The following CHD6 variants were observed in gnomAD, a reference collection of about 807,000 sequenced individuals.
The protein encoded by CHD6 is ATP-dependent chromatin remodeler CHD6.
Under a neutral mutation model 276.9 loss-of-function variants are expected in CHD6, and 50 were observed. The observed-to-expected ratio is 0.18, with a 90% confidence interval of 0.14 to 0.23. CHD6 has a LOEUF of 0.23. CHD6 is among the 10% of genes least tolerant of loss of function. The pLI is 1.00. For synonymous variants in CHD6, 1,173 were observed against 1,229.3 expected (o/e 0.95, Z 0.96); for missense variants, 2,564 against 3,365.8 (o/e 0.76, Z 5.89).
chr20:41,475,727 T>C (rs1418371641), intron 16 of CHD6, among the ~76,000 whole-genome samples: 1 of 152,048 alleles, frequency 6.6e-6, no homozygotes. Flanking sequence ...AAAGACTCCA[T>C]GCTCTTTGAA....
At chr20:41,415,660 G>A (rs1293014880) in intron 33 of CHD6, 22 bp from the exon 34 acceptor site, 1 of 1,531,560 alleles carries the variant, frequency 6.5e-7, no homozygotes, top group South Asian at 1.3e-5. Flanking sequence ...CAAACAGCAA[G>A]AGAGGTCTGA....
intron 1 of CHD6, among the ~76,000 whole-genome samples, chr20:41,555,335 G>T (rs1264607652): frequency 8.0e-6 from 1 of 124,516 alleles, no homozygotes; most frequent in African/African-American, 3.0e-5. Flanking sequence ...CTCACCTCCC[G>T]GACGGGGCGG....
At chr20:41,435,826 G>T (rs990105174) in intron 27 of CHD6, among the ~76,000 whole-genome samples, 1 of 152,152 alleles carries the variant, frequency 6.6e-6, no homozygotes, top group African/African-American at 2.4e-5. Context: ...GAAGAAAAAA[G>T]TGGGAGGTAT....
chr20:41,537,476 T>C (rs2044857517), intron 2 of CHD6, among the ~76,000 whole-genome samples: 1 of 152,204 alleles, frequency 6.6e-6, no homozygotes, highest in Non-Finnish European at 1.5e-5. Context: ...AATAAGGGAC[T>C]TGAGCATCCT....
chr20:41,405,579 G>T, intron 36 of CHD6, 90 bp from the exon 37 acceptor site: 2 of 1,010,270 alleles, frequency 2.0e-6, no homozygotes, highest in Non-Finnish European at 1.5e-6. Context: ...CACTGGCCTG[G>T]CCTGTCTCCA....
Position 41,404,356 on chromosome 20 carries a change from C to A in CHD6, c.*237G>T. ...TATTAACTATGATTGCTGGAATGAA[C>A]TGGATAACAGAATGAGAATTCTGTG... On this transcript the variant is annotated 3_prime_UTR_variant, in exon 37 of 37. Transcript: ENST00000373233. The A allele has an allele frequency of 1.6e-6, 2 of 1,228,402 alleles. No homozygotes were observed. The highest frequency in any genetic ancestry group is 6.3e-5 in the East Asian group (2 of 31,512). The allele number at this position is 1,228,402 out of a possible 1,614,324, so 76.1% of individuals were successfully genotyped here.
chr20:41,582,106 A>C (rs1260402418), intron 1 of CHD6, among the ~76,000 whole-genome samples: 1 of 152,226 alleles, frequency 6.6e-6, no homozygotes, highest in Non-Finnish European at 1.5e-5. Context: ...AGGACTAAAA[A>C]TCATTAAATA....
At chr20:41,601,425 G>A (rs1322557696) in intron 1 of CHD6, among the ~76,000 whole-genome samples, 1 of 152,152 alleles carries the variant, frequency 6.6e-6, no homozygotes, top group African/African-American at 2.4e-5. Flanking sequence ...TACTTATGAA[G>A]AGGGAGTGAA....
intron 2 of CHD6, among the ~76,000 whole-genome samples, chr20:41,540,845 T>C (rs2044927742): frequency 6.6e-6 from 1 of 152,164 alleles, no homozygotes; most frequent in Non-Finnish European, 1.5e-5. Context: ...AAAGTTCAAA[T>C]AATAAAAATG....
Position 41,487,349 on chromosome 20 carries a change from A to ACCAG in CHD6, c.2001+312_2001+315dup, listed in dbSNP as rs2043440441. ...CAAAAGAAAGCACCATGCTCCTGAGACCAGAGCTGTAAGCAAAATCAGCGA... is the reference window on the plus strand; with the variant it reads ...CAAAAGAAAGCACCATGCTCCTGAGACCAGCCAGAGCTGTAAGCAAAATCAGCGA... On this transcript the variant is annotated intron_variant, in intron 14 of 36. Transcript: ENST00000373233. Among the ~76,000 whole-genome samples, 5 of 152,346 alleles carry ACCAG rather than the reference A, an allele frequency of 3.3e-5. No individual in the cohort carries two copies. The South Asian group carries it at 1.0e-3, about 32-fold the overall frequency.
intron 1 of CHD6, among the ~76,000 whole-genome samples, chr20:41,580,892 T>C (rs891657941): frequency 1.3e-5 from 2 of 152,206 alleles, no homozygotes; most frequent in East Asian, 1.9e-4. Context: ...ATAGGGCAGA[T>C]TGTTCCTAAG....
chr20:41,524,592 C>T (rs1391560075), intron 3 of CHD6, among the ~76,000 whole-genome samples: 1 of 152,080 alleles, frequency 6.6e-6, no homozygotes, highest in Non-Finnish European at 1.5e-5. Context: ...CTCAGTACAC[C>T]AAATCCCCAG....
chr20:41,462,447 A>G (rs6129844), intron 17 of CHD6, among the ~76,000 whole-genome samples: 17,530 of 152,256 alleles, frequency 0.12, 2,034 homozygotes, highest in East Asian at 0.31. Flanking sequence ...TTTTAAATAC[A>G]CACTTGAAAG....
intron 27 of CHD6, among the ~76,000 whole-genome samples, chr20:41,433,803 T>C (rs1158442038): frequency 2.0e-5 from 3 of 152,106 alleles, no homozygotes; most frequent in African/African-American, 4.8e-5. Flanking sequence ...GACAACTATA[T>C]TATAAATGGA....
intron 1 of CHD6, among the ~76,000 whole-genome samples, chr20:41,588,912 A>C (rs539067739): frequency 1.3e-5 from 2 of 152,218 alleles, no homozygotes; most frequent in East Asian, 3.9e-4. Flanking sequence ...GAGACACAAC[A>C]AAAAAAGAGA....
intron 25 of CHD6, among the ~76,000 whole-genome samples, chr20:41,442,445 C>A (rs988584170): frequency 6.6e-6 from 1 of 152,138 alleles, no homozygotes; most frequent in African/African-American, 2.4e-5. Context: ...GAGTGAGACC[C>A]TGTCTCTTAA....
intron 5 of CHD6, among the ~76,000 whole-genome samples, chr20:41,512,556 T>G (rs58097490): frequency 0.048 from 7,268 of 151,862 alleles, 569 homozygotes; most frequent in East Asian, 0.39. Flanking sequence ...TTCAAGGCAT[T>G]AAAAGACAGC....
chr20:41,416,240 T>G (rs1222898670), intron 33 of CHD6, among the ~76,000 whole-genome samples: 1 of 152,182 alleles, frequency 6.6e-6, no homozygotes, highest in Non-Finnish European at 1.5e-5. Context: ...TTATTAGTCA[T>G]GGGGTCATCT....
intron 3 of CHD6, among the ~76,000 whole-genome samples, chr20:41,530,941 T>C (rs897646137): frequency 1.3e-5 from 2 of 152,240 alleles, no homozygotes; most frequent in Admixed American, 1.3e-4. Flanking sequence ...CACTTATATT[T>C]CATACAGCCT....
Sources: gnomAD v4.1 joint callset for allele counts (sites outside exome capture counted in the v4.1 genomes callset) on GRCh38, gnomAD v4.1.1 for gene constraint, MANE v1.5 for transcripts, NCBI Gene and HGNC (gene_info 2026-07-23, HGNC 2026-07-21) for gene names.